The following CNNM2 variants were observed in gnomAD, a reference collection of about 807,000 sequenced individuals.
The protein encoded by CNNM2 is cyclin and CBS domain divalent metal cation transport mediator 2.
A neutral mutation model predicts 66.9 loss-of-function variants in CNNM2; 12 were observed. That is an observed-to-expected ratio of 0.18 (90% CI 0.11 to 0.29). CNNM2 has a LOEUF of 0.29. Among genes scored for constraint, CNNM2 ranks in the 10% least tolerant of loss-of-function variants. The pLI is 1.00. For missense variants in CNNM2, 705 were observed against 1,167.7 expected, an observed-to-expected ratio of 0.60 and a Z score of 5.77; for synonymous variants, 557 against 501.8, an observed-to-expected ratio of 1.11 and a Z score of -1.47.
At chr10:102,991,272 C>G (rs886265174) in intron 1 of CNNM2, among the ~76,000 whole-genome samples, 1 of 152,076 alleles carries the variant, frequency 6.6e-6, no homozygotes, top group Non-Finnish European at 1.5e-5. Flanking sequence ...ACGGATGTGA[C>G]TCGCCGCACC....
At position 103,077,208 on chromosome 10, in the gene CNNM2, C is replaced by T. The variant is rs368356960; in HGVS notation, c.*28C>T. On this transcript the variant is annotated 3_prime_UTR_variant, in exon 8 of 8. Coordinates refer to ENST00000369878, the MANE Select transcript of CNNM2 (RefSeq NM_017649.5). Reference sequence around the variant, plus strand: ...CGCGCTGGCTGCACCCGCCCAGGCCCGCACCCGCCCAGTCCCGAGGGCCCG... The same window carrying T: ...CGCGCTGGCTGCACCCGCCCAGGCCTGCACCCGCCCAGTCCCGAGGGCCCG... 2.2e-5 allele frequency: 35 copies of T among 1,601,296 alleles called. No homozygotes were observed. Among genetic ancestry groups the T allele is most frequent in the African/African-American group, 1.1e-4 (8 of 74,708 alleles).
chr10:102,981,199 A>C (rs1453603660), intron 1 of CNNM2, among the ~76,000 whole-genome samples: 1 of 151,932 alleles, frequency 6.6e-6, no homozygotes, highest in Non-Finnish European at 1.5e-5. Flanking sequence ...AAAATTTAAA[A>C]ATTAGCCAGG....
chr10:103,014,244 G>T (rs1025922196), intron 1 of CNNM2, among the ~76,000 whole-genome samples: 1 of 152,170 alleles, frequency 6.6e-6, no homozygotes, highest in Non-Finnish European at 1.5e-5. Flanking sequence ...AAGACAAGAC[G>T]TTGTCCTTGC....
chr10:103,064,930 C>T (rs1479260776), intron 4 of CNNM2, among the ~76,000 whole-genome samples: 2 of 152,184 alleles, frequency 1.3e-5, no homozygotes, highest in Non-Finnish European at 2.9e-5. Flanking sequence ...CTGTATCTGT[C>T]TCTGTAGAGG....
intron 1 of CNNM2, among the ~76,000 whole-genome samples, chr10:102,975,775 G>A (rs2063619074): frequency 6.6e-6 from 1 of 152,104 alleles, no homozygotes; most frequent in African/African-American, 2.4e-5. Context: ...TATATGCTTG[G>A]CAGTAGTTTA....
chr10:102,952,782 G>A (rs1846889136), intron 1 of CNNM2, among the ~76,000 whole-genome samples: 1 of 152,172 alleles, frequency 6.6e-6, no homozygotes, highest in South Asian at 2.1e-4. Context: ...TCTATAGGAT[G>A]TGTTACGTAG....
At chr10:103,014,179 A>G (rs2064397242) in intron 1 of CNNM2, among the ~76,000 whole-genome samples, 1 of 152,228 alleles carries the variant, frequency 6.6e-6, no homozygotes, top group Non-Finnish European at 1.5e-5. Flanking sequence ...AATTCAGGCA[A>G]TATTAATTGC....
At chr10:102,930,371 A>G (rs1039036757) in intron 1 of CNNM2, among the ~76,000 whole-genome samples, 2 of 152,172 alleles carry the variant, frequency 1.3e-5, no homozygotes, top group Non-Finnish European at 2.9e-5. Flanking sequence ...AGTCTTTGTG[A>G]AAATCTCCTT....
chr10:102,931,087 G>A (rs1564809967), intron 1 of CNNM2, among the ~76,000 whole-genome samples: 1 of 152,144 alleles, frequency 6.6e-6, no homozygotes, highest in South Asian at 2.1e-4. Flanking sequence ...TTTAGTTTGG[G>A]CATGTTATTG....
At chr10:103,016,412 A>G (rs1263929980) in intron 1 of CNNM2, among the ~76,000 whole-genome samples, 1 of 152,150 alleles carries the variant, frequency 6.6e-6, no homozygotes, top group African/African-American at 2.4e-5. Context: ...TTTAAGTCCT[A>G]CTATGTGGCA....
intron 1 of CNNM2, among the ~76,000 whole-genome samples, chr10:102,948,279 G>A (rs1007030052): frequency 6.6e-6 from 1 of 152,138 alleles, no homozygotes; most frequent in Non-Finnish European, 1.5e-5. Context: ...TGCTGTGGGG[G>A]AGAAGTACTT....
intron 1 of CNNM2, among the ~76,000 whole-genome samples, chr10:103,016,173 G>A (rs1054716856): frequency 3.3e-5 from 5 of 151,690 alleles, no homozygotes; most frequent in Non-Finnish European, 7.4e-5. Flanking sequence ...TATTCTCCAT[G>A]GAGCCAGTTG....
intron 1 of CNNM2, among the ~76,000 whole-genome samples, chr10:102,992,220 G>A (rs2063911099): frequency 6.6e-6 from 1 of 150,610 alleles, no homozygotes; most frequent in South Asian, 2.1e-4. Context: ...ACTTTGCCCA[G>A]GTACCCACAT....
At chr10:102,993,576 A>C (rs566051936) in intron 1 of CNNM2, among the ~76,000 whole-genome samples, 6 of 151,906 alleles carry the variant, frequency 3.9e-5, no homozygotes, top group African/African-American at 1.5e-4. Context: ...GTTTCCTCCT[A>C]TTGTTTGTGA....
rs144412290 is a variant in CNNM2 at position 103,049,093 on chromosome 10, G to T, written c.1622-614G>T. The stretch of plus-strand genomic sequence containing the variant: ...ACCCCTGGGCTCAAGTGGTCTTCCC[G>T]CCCGGGCCTCCCAAAGCTCTTGGAT... On this transcript the variant is annotated intron_variant, in intron 1 of 7. Coordinates refer to ENST00000369878, the MANE Select transcript of CNNM2 (RefSeq NM_017649.5). Among the ~76,000 whole-genome samples, 61 of 152,176 alleles carry T rather than the reference G, an allele frequency of 4.0e-4. No homozygotes were observed. The East Asian group carries it at 0.01, about 26-fold the overall frequency.
intron 1 of CNNM2, among the ~76,000 whole-genome samples, chr10:103,022,829 TG>T: frequency 6.6e-6 from 1 of 152,128 alleles, no homozygotes; most frequent in East Asian, 1.9e-4. Context: ...TTTACGATCA[TG>T]GTGAAAGGCA....
chr10:103,065,619 C>T (rs2134354925), intron 4 of CNNM2, among the ~76,000 whole-genome samples: 4 of 152,296 alleles, frequency 2.6e-5, no homozygotes, highest in Admixed American at 2.6e-4. Flanking sequence ...GTAACTTGTA[C>T]AACAAATGCT....
chr10:103,076,322 C>T, intron 7 of CNNM2, 52 bp downstream of exon 7: 1 of 1,526,316 alleles, frequency 6.6e-7, no homozygotes, highest in Middle Eastern at 2.0e-4. Context: ...TTGTCAACTT[C>T]CCTGGCAAAT....
chr10:102,931,975 A>T lies in CNNM2; in HGVS notation c.1621+11874A>T, dbSNP rs2152915. On this transcript the variant is annotated intron_variant, in intron 1 of 7. Coordinates refer to ENST00000369878, the MANE Select transcript of CNNM2 (RefSeq NM_017649.5). The stretch of plus-strand genomic sequence containing the variant: ...CACGTGCTTACTGGCCATTTCTATA[A>T]CTTTGGAGAAATGTCTATGCAGTTC... 0.31 allele frequency among the ~76,000 whole-genome samples: 47,420 copies of T among 151,820 alleles called. 7,516 individuals are homozygous for T. The highest frequency in any genetic ancestry group is 0.37 in the Middle Eastern group (108 of 292).
Sources: gnomAD v4.1 joint callset for allele counts (sites outside exome capture counted in the v4.1 genomes callset) on GRCh38, gnomAD v4.1.1 for gene constraint, MANE v1.5 for transcripts, NCBI Gene and HGNC (gene_info 2026-07-23, HGNC 2026-07-21) for gene names.